The following PTGES variants were observed in gnomAD, a reference collection of about 807,000 sequenced individuals.
The protein encoded by PTGES is prostaglandin E synthase.
A neutral mutation model predicts 11.8 loss-of-function variants in PTGES; 3 were observed. The ratio of observed to expected loss-of-function variants is 0.25; its 90% CI spans 0.12 to 0.66. The LOEUF is 0.66. Ranked by LOEUF, PTGES falls within the 30% of genes least tolerant of loss-of-function variation. The pLI is 0.82. For missense variants in PTGES, 180 were observed against 213.0 expected (o/e 0.85, Z 0.96); for synonymous variants, 94 against 90.4 (o/e 1.04, Z -0.22).
intron 2 of PTGES, among the ~76,000 whole-genome samples, chr9:129,743,347 C>T (rs4837403): frequency 0.091 from 13,916 of 152,256 alleles, 682 homozygotes; most frequent in East Asian, 0.2. Flanking sequence ...GGCTCCAAAC[C>T]GAGAGACATG....
At chr9:129,752,480 C>T (rs1833121886) in intron 1 of PTGES, among the ~76,000 whole-genome samples, 1 of 152,244 alleles carries the variant, frequency 6.6e-6, no homozygotes. Flanking sequence ...GGAATTTCCA[C>T]TTAAACGTTT....
chr9:129,748,370 G>T (rs1274425867), intron 2 of PTGES, among the ~76,000 whole-genome samples: 1 of 152,196 alleles, frequency 6.6e-6, no homozygotes, highest in Admixed American at 6.5e-5. Context: ...TTTGCCCCTG[G>T]CCAGTAGAAC....
At position 129,739,957 on chromosome 9, in the gene PTGES, T is replaced by A; in HGVS notation, c.210-97A>T. ...GGAAGCTGGGGGTGCTTTGACCCAC[T>A]GGGGGTCATTTCAGGCATATCACAC... On this transcript the variant is annotated intron_variant, in intron 2 of 2. Transcript: ENST00000340607. The surrounding 1 kb of genome is among the most constrained non-coding windows in gnomAD (Gnocchi z 5.7). 1.4e-6 allele frequency: 2 copies of A among 1,403,110 alleles called. No individual in the cohort carries two copies. Among genetic ancestry groups the A allele is most frequent in the Non-Finnish European group, 1.9e-6 (2 of 1,044,502 alleles). The allele number at this position is 1,403,110 out of a possible 1,614,324, so 86.9% of individuals were successfully genotyped here.
chr9:129,748,751 G>T lies in PTGES; in HGVS notation c.127-14C>A, dbSNP rs369574056. On this transcript the variant is annotated splice_polypyrimidine_tract_variant and intron_variant, in intron 1 of 2. Coordinates refer to ENST00000340607, the MANE Select transcript of PTGES (RefSeq NM_004878.5). ...GTTGGCAAAGGCCTGAAATATACCAGTTGAGAGTCACTCCTCGTGAGACAA... is the reference window on the plus strand; with the variant it reads ...GTTGGCAAAGGCCTGAAATATACCATTTGAGAGTCACTCCTCGTGAGACAA... The T allele has an allele frequency of 3.8e-6, 6 of 1,584,836 alleles. No individual in the cohort carries two copies. In the South Asian group the frequency reaches 6.8e-5, roughly 18 times the overall value.
In PTGES at chr9:129,739,427, C is replaced by CACACTT. The variant is rs1832969994; in HGVS notation, c.*183_*184insAAGTGT. The CACACTT allele has an allele frequency of 1.3e-6, 1 of 753,266 alleles. No homozygotes were observed. The highest frequency in any genetic ancestry group is 1.8e-5 in the African/African-American group (1 of 55,874). The allele number at this position is 753,266 out of a possible 1,614,324, so 46.7% of individuals were successfully genotyped here. A position where few individuals can be genotyped will look rare whatever the true frequency, so the allele number is the denominator to read the frequency against. On this transcript the variant is annotated 3_prime_UTR_variant, in exon 3 of 3. Coordinates refer to ENST00000340607, the MANE Select transcript of PTGES (RefSeq NM_004878.5). This position sits in a 1 kb window ranked among gnomAD's most constrained non-coding sequence, Gnocchi z 5.7. ...TCCAAGGGGCTAAGAAACATACACA[C>CACACTT]ACACATACACACACACGGGCACACA...
At chr9:129,748,254 A>G (rs1268936662) in intron 2 of PTGES, among the ~76,000 whole-genome samples, 1 of 148,994 alleles carries the variant, frequency 6.7e-6, no homozygotes, top group East Asian at 2.0e-4. Context: ...AGTACAGACC[A>G]GAGGATAAAG....
At chr9:129,743,092 C>A (rs529653544) in intron 2 of PTGES, among the ~76,000 whole-genome samples, 1 of 152,158 alleles carries the variant, frequency 6.6e-6, no homozygotes, top group Non-Finnish European at 1.5e-5. Context: ...GCAGAAAAAG[C>A]GGGGACTGAG....
chr9:129,743,260 G>A (rs769288907), intron 2 of PTGES, among the ~76,000 whole-genome samples: 22 of 152,144 alleles, frequency 1.4e-4, no homozygotes, highest in South Asian at 8.3e-4. Context: ...CTCCGAGGCC[G>A]CAGTGGCCAG....
rs3892537 is a variant in PTGES at position 129,738,628 on chromosome 9, C to A, written c.*983G>T. On this transcript the variant is annotated 3_prime_UTR_variant, in exon 3 of 3. Coordinates refer to ENST00000340607, the MANE Select transcript of PTGES (RefSeq NM_004878.5). This position sits in a 1 kb window ranked among gnomAD's most constrained non-coding sequence, Gnocchi z 4.2. ...AGGCTGAGCTTCCTGTGGGCCCCTC[C>A]CACCCACACCTGAGCCAGAGAGAAG... The A allele has an allele frequency of 0.022, 3,416 of 152,428 alleles. 123 individuals carry two copies. The highest frequency in any genetic ancestry group is 0.077 in the African/African-American group (3,214 of 41,538). The allele number at this position is 152,428 out of a possible 1,614,324, so 9.4% of individuals were successfully genotyped here.
At chr9:129,750,291 C>T (rs1225876020) in intron 1 of PTGES, among the ~76,000 whole-genome samples, 1 of 152,196 alleles carries the variant, frequency 6.6e-6, no homozygotes, top group African/African-American at 2.4e-5. Flanking sequence ...TGACTGTCCC[C>T]CAAGGGCTGG....
At chr9:129,750,875 C>G (rs1833096777) in intron 1 of PTGES, among the ~76,000 whole-genome samples, 1 of 152,152 alleles carries the variant, frequency 6.6e-6, no homozygotes, top group Non-Finnish European at 1.5e-5. Context: ...CTGGATGATA[C>G]TTAGCGCCCA....
At chr9:129,743,683 C>T (rs1052345107) in intron 2 of PTGES, among the ~76,000 whole-genome samples, 3 of 152,198 alleles carry the variant, frequency 2.0e-5, no homozygotes, top group African/African-American at 4.8e-5. Context: ...TCAGGGTTGA[C>T]GCAATGCAGT....
rs1286806568 is a variant in PTGES, at chr9:129,739,521, C to G, written c.*90G>C. 3 of 1,476,634 alleles carry G rather than the reference C, an allele frequency of 2.0e-6. No homozygotes were observed. Among genetic ancestry groups the G allele is most frequent in the Non-Finnish European group, 1.8e-6 (2 of 1,112,928 alleles). The allele number at this position is 1,476,634 out of a possible 1,614,324, so 91.5% of individuals were successfully genotyped here. A position where few individuals can be genotyped will look rare whatever the true frequency, so the allele number is the denominator to read the frequency against. ...CCAGGAAACCAGGACTCAGGGCCCA[C>G]CACAATCTGGAAGGAACATCAAGTC... On this transcript the variant is annotated 3_prime_UTR_variant, in exon 3 of 3. Coordinates refer to ENST00000340607, the MANE Select transcript of PTGES (RefSeq NM_004878.5). The surrounding 1 kb of genome is among the most constrained non-coding windows in gnomAD (Gnocchi z 5.7).
chr9:129,739,838 T>C lies in PTGES; in HGVS notation c.232A>G (p.Thr78Ala). Residue 78 changes from threonine (T) to alanine (A), a missense_variant, in exon 3 of 3, where the codon ACC becomes GCC. Transcript: ENST00000340607. The surrounding 1 kb of genome is among the most constrained non-coding windows in gnomAD (Gnocchi z 5.7). ...CCCAGGAAAAGGAAGGGGTAGATGG[T>C]CTCCATGTCGTTCCGGTGGGCCCTG... Reference protein sequence around the residue: ...CLRAHRNDMETIYPFLFLGFV... With the variant: ...CLRAHRNDMEAIYPFLFLGFV... The C allele has an allele frequency of 6.4e-7, 1 of 1,569,758 alleles. No individual in the cohort carries two copies. Among genetic ancestry groups the C allele is most frequent in the South Asian group, 1.2e-5 (1 of 85,220 alleles).
intron 2 of PTGES, among the ~76,000 whole-genome samples, chr9:129,744,571 CAAAAAAA>C (rs60799589): frequency 2.0e-5 from 1 of 50,372 alleles, no homozygotes; most frequent in African/African-American, 7.2e-5. Context: ...GACCCTGTCA[CAAAAAAA>C]AAAAAAAAAA....
intron 2 of PTGES, among the ~76,000 whole-genome samples, 193 bp downstream of exon 2, chr9:129,748,462 G>A (rs1158366324): frequency 1.3e-5 from 2 of 152,206 alleles, no homozygotes; most frequent in African/African-American, 4.8e-5. Flanking sequence ...GTAATTATGA[G>A]TCATGACCAC....
chr9:129,751,542 G>A (rs2130955857), intron 1 of PTGES, among the ~76,000 whole-genome samples: 1 of 152,014 alleles, frequency 6.6e-6, no homozygotes, highest in East Asian at 1.9e-4. Context: ...AGCAGGGCAT[G>A]GTGGTGTGTG....
In PTGES at chr9:129,739,657, G is replaced by A. The variant is rs1286156301; in HGVS notation, c.413C>T (p.Ala138Val). Residue 138 changes from alanine (A) to valine (V), a missense_variant, in exon 3 of 3, where the codon GCC (alanine) becomes GTC (valine). By Grantham distance (64) the Ala-to-Val change is moderately conservative (BLOSUM62 0). Coordinates refer to ENST00000340607, the MANE Select transcript of PTGES (RefSeq NM_004878.5). The surrounding 1 kb of genome is among the most constrained non-coding windows in gnomAD (Gnocchi z 5.7). ...CCAGAGGATCTGCAGAGCCATGGAG[G>A]CGCAGGGGAGCTGGGCCAGGGTGTA... ...VTYTLAQLPCASMALQILWEA... is the reference protein window; with the variant it reads ...VTYTLAQLPCVSMALQILWEA... The A allele has an allele frequency of 4.5e-6, 7 of 1,555,348 alleles. No homozygotes were observed. The highest frequency in any genetic ancestry group is 1.4e-5 in the African/African-American group (1 of 73,466).
rs1833132478 is a variant in PTGES, at chr9:129,753,001, G to A, written c.12C>T (p.His4=). 1.2e-6 allele frequency: 2 copies of A among 1,606,322 alleles called. No homozygotes were observed. Among genetic ancestry groups the A allele is most frequent in the East Asian group, 2.2e-5 (1 of 44,870 alleles). MPA[H]SLVMSSPALP... ...GGGCCGGGCTGCTCATCACCAGGCT[G>A]TGGGCAGGCATCTCTGGCCAGCGCA... Residue 4 remains histidine (H), a synonymous_variant, in exon 1 of 3, where the codon CAC becomes CAT. Transcript: ENST00000340607.
Sources: gnomAD v4.1 joint callset for allele counts (sites outside exome capture counted in the v4.1 genomes callset) on GRCh38, gnomAD v4.1.1 for gene constraint, Gnocchi (gnomAD v3.1) non-coding constraint, MANE v1.5 for transcripts, NCBI Gene and HGNC (gene_info 2026-07-23, HGNC 2026-07-21) for gene names.